CBFA2T2: variants seen among roughly 807,000 people sequenced by gnomAD.
The protein encoded by CBFA2T2 is protein CBFA2T2.
A neutral mutation model predicts 62.2 loss-of-function variants in CBFA2T2; 11 were observed. That is an observed-to-expected ratio of 0.18 (90% confidence interval 0.11 to 0.29). The LOEUF is 0.29. Ranked by LOEUF, CBFA2T2 falls within the 10% of genes least tolerant of loss-of-function variation. The pLI, the probability that CBFA2T2 is intolerant of heterozygous loss-of-function variation, is 1.00. For synonymous variants in CBFA2T2, 295 were observed against 287.5 expected (o/e 1.03, Z -0.27); for missense variants, 592 against 774.1 (o/e 0.76, Z 2.79).
chr20:33,620,049 T>C (rs1451640325), intron 4 of CBFA2T2, among the ~76,000 whole-genome samples: 1 of 152,186 alleles, frequency 6.6e-6, no homozygotes, highest in Non-Finnish European at 1.5e-5. Context: ...AAGACAGTGT[T>C]TGTGTCTCCC....
Position 33,503,475 on chromosome 20 carries a change from G to A in CBFA2T2, c.34+13174G>A, listed in dbSNP as rs556716534. Among the ~76,000 whole-genome samples, 899 of 151,898 alleles carry A rather than the reference G, an allele frequency of 5.9e-3. 4 individuals carry two copies. Among genetic ancestry groups the A allele is most frequent in the Non-Finnish European group, 9.2e-3 (624 of 67,936 alleles). On this transcript the variant is annotated intron_variant, in intron 1 of 10. Transcript: ENST00000342704. ...TCACCATGTTGACCAGGCTGGTATCGAACTCCTGACCTCGTGATCCGCCCG... is the reference window on the plus strand; with the variant it reads ...TCACCATGTTGACCAGGCTGGTATCAAACTCCTGACCTCGTGATCCGCCCG...
rs541201096 is a variant in CBFA2T2 at position 33,512,353 on chromosome 20, C to T, written c.34+22052C>T. Among the ~76,000 whole-genome samples the T allele has an allele frequency of 1.1e-3, 160 of 150,766 alleles. 2 individuals are homozygous for T. Among genetic ancestry groups the T allele is most frequent in the African/African-American group, 3.6e-3 (147 of 41,138 alleles). On this transcript the variant is annotated intron_variant, in intron 1 of 10. Transcript: ENST00000342704. Reference sequence around the variant, plus strand: ...GCGACAGAGCGAGACTCCCTCTCAACAAAAAAAAAGTAAAAGAAAACATTA... The same window carrying T: ...GCGACAGAGCGAGACTCCCTCTCAATAAAAAAAAAGTAAAAGAAAACATTA...
At chr20:33,630,378 G>C (rs1195212063) in intron 8 of CBFA2T2, among the ~76,000 whole-genome samples, 2 of 152,232 alleles carry the variant, frequency 1.3e-5, no homozygotes, top group Non-Finnish European at 2.9e-5. Context: ...GTCAAATTCA[G>C]CCTGGCTGGA....
chr20:33,526,327 G>A (rs1051433962), intron 1 of CBFA2T2, among the ~76,000 whole-genome samples: 1 of 152,156 alleles, frequency 6.6e-6, no homozygotes, highest in African/African-American at 2.4e-5. Flanking sequence ...AAAAGAAGGT[G>A]TGTACTGATG....
chr20:33,513,462 C>T (rs1211724952), intron 1 of CBFA2T2, among the ~76,000 whole-genome samples: 6 of 151,334 alleles, frequency 4.0e-5, no homozygotes, highest in East Asian at 3.9e-4. Flanking sequence ...CAGGTTCAAG[C>T]GATTCTCCTG....
chr20:33,539,013 T>C (rs1279898665), intron 1 of CBFA2T2, among the ~76,000 whole-genome samples: 1 of 152,240 alleles, frequency 6.6e-6, no homozygotes, highest in African/African-American at 2.4e-5. Flanking sequence ...GATCAAATAT[T>C]TCTTCCTGTC....
At chr20:33,623,986 CA>C (rs1004126995) in intron 5 of CBFA2T2, 262 of 533,146 alleles carry the variant, frequency 4.9e-4, no homozygotes, top group South Asian at 9.2e-4. Flanking sequence ...AAAGAAAAAA[CA>C]AAAAAAAAGA....
chr20:33,494,243 GTATATATA>G lies in CBFA2T2; in HGVS notation c.34+3966_34+3973del, dbSNP rs869164142. 1.1e-3 allele frequency among the ~76,000 whole-genome samples: 33 copies of G among 30,320 alleles called. 1 individual carries two copies. Among genetic ancestry groups the G allele is most frequent in the East Asian group, 6.9e-3 (4 of 578 alleles). 19.9% of individuals were successfully genotyped at this position (30,320 alleles called of 152,430 possible). A position where few individuals can be genotyped will look rare whatever the true frequency, so the allele number is the denominator to read the frequency against. The stretch of plus-strand genomic sequence containing the variant: ...TACTATGTATTAGGCATATATATGT[GTATATATA>G]TATATATATATATATATATATATTT... On this transcript the variant is annotated intron_variant, in intron 1 of 10. Coordinates refer to ENST00000342704, the MANE Select transcript of CBFA2T2 (RefSeq NM_001032999.3).
chr20:33,580,355 A>G (rs1314706289), intron 1 of CBFA2T2, among the ~76,000 whole-genome samples: 4 of 152,188 alleles, frequency 2.6e-5, no homozygotes, highest in Non-Finnish European at 5.9e-5. Flanking sequence ...ACTATGTACT[A>G]TGTTCTGGCC....
chr20:33,611,134 T>G lies in CBFA2T2; in HGVS notation c.219T>G (p.Gly73=). The change falls in exon 3 of 11, where the codon GGT becomes GGG. Residue 73 remains glycine, a synonymous_variant. Coordinates refer to ENST00000342704, the MANE Select transcript of CBFA2T2 (RefSeq NM_001032999.3). ...ACCATTCTCCTCCTACCCTGAATGG[T>G]GCCCCATCACCGCCACAGAGATTCA... is the stretch of plus-strand genomic sequence containing the variant. ...GINHSPPTLN[G]APSPPQRFSN... 1 of 1,614,186 alleles carries G rather than the reference T, an allele frequency of 6.2e-7. No homozygotes were observed. The highest frequency in any genetic ancestry group is 8.5e-7 in the Non-Finnish European group (1 of 1,180,008).
chr20:33,570,507 A>G (rs567230537), intron 1 of CBFA2T2, among the ~76,000 whole-genome samples: 1 of 152,206 alleles, frequency 6.6e-6, no homozygotes, highest in East Asian at 1.9e-4. Flanking sequence ...GTAAAGGGGA[A>G]GAGTTGAGAT....
chr20:33,500,264 C>CT (rs1047715278), intron 1 of CBFA2T2, among the ~76,000 whole-genome samples: 3 of 151,826 alleles, frequency 2.0e-5, no homozygotes, highest in Admixed American at 1.3e-4. Flanking sequence ...CAAAAACCCA[C>CT]TTTTTTTTAA....
intron 1 of CBFA2T2, among the ~76,000 whole-genome samples, chr20:33,492,452 G>A (rs1313671664): frequency 6.8e-6 from 1 of 146,482 alleles, no homozygotes; most frequent in South Asian, 2.1e-4. Context: ...CTTTTGTGTA[G>A]TATTTAGTTT....
At chr20:33,519,936 C>T (rs959333607) in intron 1 of CBFA2T2, among the ~76,000 whole-genome samples, 2 of 151,946 alleles carry the variant, frequency 1.3e-5, no homozygotes, top group African/African-American at 2.4e-5. Flanking sequence ...CACCTGAGGT[C>T]GGGAGTTCGA....
At chr20:33,518,207 G>T (rs961593231) in intron 1 of CBFA2T2, among the ~76,000 whole-genome samples, 1 of 151,064 alleles carries the variant, frequency 6.6e-6, no homozygotes, top group Non-Finnish European at 1.5e-5. Flanking sequence ...CTTGCCTCCC[G>T]AAGTGCTGGG....
intron 1 of CBFA2T2, among the ~76,000 whole-genome samples, chr20:33,551,113 TGG>T (rs1454110271): frequency 2.0e-5 from 3 of 152,158 alleles, no homozygotes; most frequent in Non-Finnish European, 2.9e-5. Flanking sequence ...AATCAGTTGG[TGG>T]TCTCATTTGA....
At chr20:33,552,491 T>C (rs2012767114) in intron 1 of CBFA2T2, among the ~76,000 whole-genome samples, 1 of 152,218 alleles carries the variant, frequency 6.6e-6, no homozygotes, top group South Asian at 2.1e-4. Context: ...TCAGTGTCTC[T>C]TGAAATGTTT....
chr20:33,528,691 CGT>C (rs11471183), intron 1 of CBFA2T2, among the ~76,000 whole-genome samples: 146,753 of 150,330 alleles, frequency 0.98, 71,657 homozygotes, highest in Middle Eastern at 1. Context: ...AATGTCCACT[CGT>C]GTGTGTGTGT....
intron 1 of CBFA2T2, among the ~76,000 whole-genome samples, chr20:33,507,399 T>C (rs545561179): frequency 6.6e-6 from 1 of 152,288 alleles, no homozygotes; most frequent in Non-Finnish European, 1.5e-5. Flanking sequence ...TGTGTGAGTG[T>C]GTTTCAAAAA....
Sources: allele counts gnomAD v4.1 joint callset (sites outside exome capture counted in the v4.1 genomes callset), GRCh38; gene constraint gnomAD v4.1.1; transcripts MANE v1.5; gene names NCBI Gene and HGNC (gene_info 2026-07-23, HGNC 2026-07-21).